Variants in IL6R observed in about 807,000 individuals in gnomAD.
IL6R encodes the protein interleukin 6 receptor, also known as interleukin-6 receptor subunit alpha.
In IL6R, 38 loss-of-function variants were observed where a neutral mutation model predicts 48.3. That is an observed-to-expected ratio of 0.79 (90% CI 0.61 to 1.03). The LOEUF (loss-of-function observed/expected upper bound fraction) is 1.03. IL6R is among the 50% of genes least tolerant of loss of function. The pLI is 0.00. For synonymous variants in IL6R, 264 were observed against 256.2 expected (o/e 1.03, Z -0.29); for missense variants, 534 against 618.3 (o/e 0.86, Z 1.45).
intron 1 of IL6R, among the ~76,000 whole-genome samples, chr1:154,427,998 G>A (rs773037520): frequency 6.6e-6 from 1 of 152,182 alleles, no homozygotes; most frequent in Non-Finnish European, 1.5e-5. Context: ...GCTACTGCTT[G>A]CTAATAAATG....
At chr1:154,413,768 AC>A in intron 1 of IL6R, among the ~76,000 whole-genome samples, 1 of 124,492 alleles carries the variant, frequency 8.0e-6, no homozygotes, top group East Asian at 2.1e-4. Context: ...GTCATACATG[AC>A]TTTTTTTTTT....
intron 6 of IL6R, among the ~76,000 whole-genome samples, chr1:154,442,051 A>G (rs1173679529): frequency 6.6e-6 from 1 of 152,194 alleles, no homozygotes; most frequent in Non-Finnish European, 1.5e-5. Flanking sequence ...GAGTGGGACC[A>G]GGGGCATCCC....
At chr1:154,416,158 C>T (rs966712347) in intron 1 of IL6R, among the ~76,000 whole-genome samples, 5 of 151,946 alleles carry the variant, frequency 3.3e-5, no homozygotes, top group African/African-American at 4.8e-5. Context: ...GAGGAAGGGT[C>T]TCACTCTGTT....
intron 9 of IL6R, among the ~76,000 whole-genome samples, chr1:154,461,440 G>A (rs1445030758): frequency 6.6e-6 from 1 of 152,222 alleles, no homozygotes; most frequent in African/African-American, 2.4e-5. Flanking sequence ...GTTACCGCTT[G>A]ACCAAGGAGC....
intron 9 of IL6R, among the ~76,000 whole-genome samples, chr1:154,464,069 T>C (rs1691406182): frequency 6.6e-6 from 1 of 152,192 alleles, no homozygotes; most frequent in African/African-American, 2.4e-5. Context: ...GCAAATTATC[T>C]GCCTCCTGCC....
chr1:154,429,144 G>A (rs1016993782), intron 1 of IL6R, 52 bp from the exon 2 acceptor site: 2 of 1,576,678 alleles, frequency 1.3e-6, no homozygotes, highest in Non-Finnish European at 1.7e-6. Flanking sequence ...CCAGAACGAA[G>A]CCCCCTTCTT....
Position 154,447,442 on chromosome 1 carries a change from A to ATATATATAT in IL6R, c.950-683_950-682insTATATATAT, listed in dbSNP as rs375992381. Among the ~76,000 whole-genome samples, 354 of 60,128 alleles carry ATATATATAT rather than the reference A, an allele frequency of 5.9e-3. 26 individuals are homozygous for ATATATATAT. Among genetic ancestry groups the ATATATATAT allele is most frequent in the Middle Eastern group, 0.016 (2 of 124 alleles). 39.4% of individuals were successfully genotyped at this position (60,128 alleles called of 152,430 possible). A position where few individuals can be genotyped will look rare whatever the true frequency, so the allele number is the denominator to read the frequency against. On this transcript the variant is annotated intron_variant, in intron 6 of 9. Transcript: ENST00000368485. Reference sequence around the variant, plus strand: ...CAAAAGAGTGAAACTCCATCTCAAAAAAAAAAAAAAAAATATATATATATA... The same window carrying ATATATATAT: ...CAAAAGAGTGAAACTCCATCTCAAAATATATATATAAAAAAAAAAAAATATATATATATA...
At chr1:154,429,629 C>T (rs1334844990) in intron 2 of IL6R, among the ~76,000 whole-genome samples, 185 bp downstream of exon 2, 10 of 152,114 alleles carry the variant, frequency 6.6e-5, no homozygotes, top group Admixed American at 5.2e-4. Flanking sequence ...GGAGTGGGAG[C>T]GTCTGACTGG....
chr1:154,428,233 C>T (rs924974682), intron 1 of IL6R, among the ~76,000 whole-genome samples: 1 of 152,046 alleles, frequency 6.6e-6, no homozygotes, highest in African/African-American at 2.4e-5. Context: ...TAGTAGAATA[C>T]ACCCAATTTT....
Position 154,405,725 on chromosome 1 carries a change from C to G in IL6R, c.85+11C>G, listed in dbSNP as rs912630482. 34 of 1,479,554 alleles carry G rather than the reference C, an allele frequency of 2.3e-5. No individual in the cohort carries two copies. Among genetic ancestry groups the G allele is most frequent in the Non-Finnish European group, 2.9e-5 (33 of 1,124,676 alleles). The allele number at this position is 1,479,554 out of a possible 1,614,324, so 91.7% of individuals were successfully genotyped here. On this transcript the variant is annotated intron_variant, in intron 1 of 9. Transcript: ENST00000368485. This position sits in a 1 kb window ranked among gnomAD's most constrained non-coding sequence, Gnocchi z 5.2. ...GCTGCCCTGCGCAGGGTAAGGGCTT[C>G]GGGCGCACCTGGAGGGCTGGGGCAG...
At chr1:154,463,446 T>C (rs1428720771) in intron 9 of IL6R, among the ~76,000 whole-genome samples, 1 of 152,220 alleles carries the variant, frequency 6.6e-6, no homozygotes, top group Non-Finnish European at 1.5e-5. Context: ...TAATTATTTA[T>C]CATAACAAGG....
At chr1:154,416,988 A>T (rs1377368121) in intron 1 of IL6R, among the ~76,000 whole-genome samples, 1 of 152,048 alleles carries the variant, frequency 6.6e-6, no homozygotes, top group African/African-American at 2.4e-5. Flanking sequence ...TGACTTCTTA[A>T]ATCTTCAGCT....
chr1:154,444,918 C>T, intron 6 of IL6R: 1 of 387,664 alleles, frequency 2.6e-6, no homozygotes, highest in Non-Finnish European at 5.2e-6. Flanking sequence ...CAAAAAGACT[C>T]CTTAACTGCC....
At chr1:154,458,019 T>C (rs1274570314) in intron 9 of IL6R, among the ~76,000 whole-genome samples, 2 of 148,140 alleles carry the variant, frequency 1.4e-5, no homozygotes, top group African/African-American at 2.5e-5. Context: ...CAGGCTGGAG[T>C]GCAGTGGCGC....
intron 3 of IL6R, among the ~76,000 whole-genome samples, chr1:154,432,522 T>C (rs1689351522): frequency 1.3e-5 from 2 of 152,100 alleles, no homozygotes; most frequent in South Asian, 4.1e-4. Flanking sequence ...CACGCCTGGC[T>C]AATCTTTGTA....
chr1:154,428,040 C>T (rs185230274), intron 1 of IL6R, among the ~76,000 whole-genome samples: 46 of 152,262 alleles, frequency 3.0e-4, no homozygotes, highest in Admixed American at 7.2e-4. Flanking sequence ...ACCAAGTGTG[C>T]TTACATGAAA....
chr1:154,450,171 G>T (rs1360936659), intron 8 of IL6R, among the ~76,000 whole-genome samples, 191 bp downstream of exon 8: 1 of 147,884 alleles, frequency 6.8e-6, no homozygotes, highest in Non-Finnish European at 1.5e-5. Context: ...GGTTGCCCAG[G>T]CTGGAGTGCC....
chr1:154,442,755 T>C (rs1032143552), intron 6 of IL6R, among the ~76,000 whole-genome samples: 2 of 151,908 alleles, frequency 1.3e-5, no homozygotes, highest in Non-Finnish European at 2.9e-5. Context: ...CACATCAACA[T>C]TGAGTCTGGG....
intron 6 of IL6R, among the ~76,000 whole-genome samples, chr1:154,438,800 G>T (rs1284196835): frequency 2.0e-5 from 3 of 152,118 alleles, no homozygotes; most frequent in Admixed American, 6.5e-5. Flanking sequence ...ATCCTAGTTG[G>T]ATGCAATAAT....
Sources: gnomAD v4.1 joint callset for allele counts (sites outside exome capture counted in the v4.1 genomes callset) on GRCh38, gnomAD v4.1.1 for gene constraint, Gnocchi (gnomAD v3.1) non-coding constraint, MANE v1.5 for transcripts, NCBI Gene and HGNC (gene_info 2026-07-23, HGNC 2026-07-21) for gene names.